The following DEUP1 variants were observed in gnomAD, a reference collection of about 807,000 sequenced individuals.
DEUP1 encodes coiled-coil domain containing 67.
A neutral mutation model predicts 87.4 loss-of-function variants in DEUP1; 82 were observed. The ratio of observed to expected loss-of-function variants is 0.94; its 90% CI spans 0.78 to 1.13. DEUP1 has a LOEUF of 1.13. Among genes scored for constraint, DEUP1 ranks in the 50% most tolerant of loss-of-function variants. The pLI is 0.00. For synonymous variants in DEUP1, 214 were observed against 222.7 expected, an observed-to-expected ratio of 0.96 and a Z score of 0.35; for missense variants, 663 against 681.5, an observed-to-expected ratio of 0.97 and a Z score of 0.30.
intron 12 of DEUP1, among the ~76,000 whole-genome samples, chr11:93,412,795 T>C (rs1040373860): frequency 7.2e-5 from 11 of 152,196 alleles, no homozygotes; most frequent in Admixed American, 4.6e-4. Flanking sequence ...ATGCAAATGT[T>C]ATAATTCTAC....
chr11:93,377,988 GT>G (rs56684150), intron 7 of DEUP1, among the ~76,000 whole-genome samples: 37,443 of 149,816 alleles, frequency 0.25, 4,901 homozygotes, highest in South Asian at 0.38. Context: ...AATCTGATAG[GT>G]TTTTTTTTTA....
intron 13 of DEUP1, among the ~76,000 whole-genome samples, chr11:93,436,507 C>A (rs1332649241): frequency 1.3e-5 from 2 of 152,174 alleles, no homozygotes; most frequent in Admixed American, 6.5e-5. Flanking sequence ...TAGTAGCATA[C>A]CATCTACCCC....
chr11:93,408,153 C>A, intron 11 of DEUP1, 78 bp from the exon 12 acceptor site: 1 of 1,061,064 alleles, frequency 9.4e-7, no homozygotes, highest in Non-Finnish European at 1.3e-6. Flanking sequence ...CTTTCCAGCA[C>A]AAGTCTCCAA....
chr11:93,395,868 T>C (rs893951967), intron 10 of DEUP1, among the ~76,000 whole-genome samples: 1 of 152,176 alleles, frequency 6.6e-6, no homozygotes, highest in Non-Finnish European at 1.5e-5. Context: ...TTGTAAAAAT[T>C]AATCAGGTGT....
At chr11:93,431,569 C>T (rs1186919716) in intron 13 of DEUP1, among the ~76,000 whole-genome samples, 2 of 152,104 alleles carry the variant, frequency 1.3e-5, no homozygotes, top group African/African-American at 4.8e-5. Context: ...TTATTTTACT[C>T]TAATAATAAA....
intron 9 of DEUP1, among the ~76,000 whole-genome samples, chr11:93,393,798 G>T (rs1946846456): frequency 1.3e-5 from 2 of 152,180 alleles, no homozygotes; most frequent in South Asian, 4.1e-4. Flanking sequence ...ACTTAAAAGA[G>T]GTTGAAATAG....
chr11:93,434,937 T>C (rs1166381977), intron 13 of DEUP1, among the ~76,000 whole-genome samples: 1 of 152,150 alleles, frequency 6.6e-6, no homozygotes, highest in Non-Finnish European at 1.5e-5. Context: ...CAAGAGGCCG[T>C]CCCAAAGCTC....
At chr11:93,396,934 C>T (rs1275122554) in intron 11 of DEUP1, among the ~76,000 whole-genome samples, 1 of 152,176 alleles carries the variant, frequency 6.6e-6, no homozygotes, top group Non-Finnish European at 1.5e-5. Flanking sequence ...GGAACTTAAA[C>T]AGGCTCTGTG....
intron 5 of DEUP1, among the ~76,000 whole-genome samples, chr11:93,367,036 T>C (rs1336622053): frequency 1.3e-5 from 2 of 152,186 alleles, no homozygotes. Context: ...CTAATTTTTG[T>C]ATGTCGAATG....
Position 93,394,619 on chromosome 11 carries a change from A to G in DEUP1, c.1202A>G (p.Glu401Gly). The G allele has an allele frequency of 6.2e-7, 1 of 1,611,820 alleles. No homozygotes were observed. The highest frequency in any genetic ancestry group is 8.5e-7 in the Non-Finnish European group (1 of 1,179,294). ...AALLEKQLKM[E>G]LEIKEKMLAK... is the part of the protein sequence containing the mutation. The stretch of plus-strand genomic sequence containing the variant: ...CTTCTGGAAAAACAGTTAAAAATGG[A>G]ATTAGAAATAAAAGAAAAAATGTTA... The change falls in exon 10 of 14, where the codon GAA becomes GGA. Residue 401 changes from glutamate (E) to glycine (G), a missense_variant. By Grantham distance (98) the Glu-to-Gly change is moderately conservative. Transcript: ENST00000298050.
intron 12 of DEUP1, 39 bp from the exon 13 acceptor site, chr11:93,414,961 C>A: frequency 8.6e-7 from 1 of 1,158,304 alleles, no homozygotes; most frequent in Admixed American, 2.6e-5. Flanking sequence ...AAACATGTGT[C>A]CTTGATAGCA....
intron 10 of DEUP1, among the ~76,000 whole-genome samples, chr11:93,394,860 G>C (rs1386304589): frequency 6.6e-6 from 1 of 152,122 alleles, no homozygotes; most frequent in East Asian, 1.9e-4. Context: ...GGAAATGACA[G>C]TGCAAGACAA....
chr11:93,389,260 G>T, intron 9 of DEUP1, 135 bp downstream of exon 9: 1 of 630,252 alleles, frequency 1.6e-6, no homozygotes, highest in Non-Finnish European at 2.8e-6. Flanking sequence ...AATCTACCAA[G>T]CTGCTAATTC....
rs764421479 is a variant in DEUP1 at position 93,385,561 on chromosome 11, G to A, written c.935+18G>A. On this transcript the variant is annotated intron_variant, in intron 8 of 13. Coordinates refer to ENST00000298050, the MANE Select transcript of DEUP1 (RefSeq NM_181645.4). ...AAAACAAGGTATAATCTTTATATTT[G>A]ACAATCTGAGAGAACTGTTCAAAAC... 5.1e-6 allele frequency: 8 copies of A among 1,566,442 alleles called. No homozygotes were observed. Among genetic ancestry groups the A allele is most frequent in the Non-Finnish European group, 6.9e-6 (8 of 1,161,314 alleles).
At chr11:93,380,844 A>G (rs938099994) in intron 7 of DEUP1, among the ~76,000 whole-genome samples, 5 of 152,226 alleles carry the variant, frequency 3.3e-5, no homozygotes, top group African/African-American at 9.6e-5. Flanking sequence ...AATTTGAACT[A>G]AGAATCTGCA....
chr11:93,408,306 C>A lies in DEUP1; in HGVS notation c.1402C>A (p.Arg468=). 6.3e-7 allele frequency: 1 copy of A among 1,580,424 alleles called. No homozygotes were observed. Among genetic ancestry groups the A allele is most frequent in the Non-Finnish European group, 8.6e-7 (1 of 1,161,890 alleles). ...NKLQYENERL[R]NDLAKLHVNG... The stretch of plus-strand genomic sequence containing the variant: ...ACTGCAATATGAGAATGAAAGGCTC[C>A]GAAATGATCTTGCAAAACTTCATGT... The change falls in exon 12 of 14, where the codon CGA becomes AGA. Residue 468 remains arginine (R), a synonymous_variant. Transcript: ENST00000298050.
At chr11:93,420,333 A>C (rs568700090) in intron 13 of DEUP1, among the ~76,000 whole-genome samples, 21 of 152,216 alleles carry the variant, frequency 1.4e-4, no homozygotes, top group Non-Finnish European at 2.9e-4. Flanking sequence ...ATCTCAATAG[A>C]TGCAGAAAAG....
intron 13 of DEUP1, among the ~76,000 whole-genome samples, chr11:93,419,919 T>A (rs1037725882): frequency 1.9e-4 from 28 of 151,152 alleles, no homozygotes; most frequent in African/African-American, 5.1e-4. Context: ...GTGGCAATAA[T>A]CAATAGCTTA....
intron 11 of DEUP1, among the ~76,000 whole-genome samples, chr11:93,407,789 G>T (rs1294649346): frequency 6.6e-6 from 1 of 151,470 alleles, no homozygotes; most frequent in African/African-American, 2.4e-5. Context: ...TATATCCTAT[G>T]AACACAAAAA....
Sources: allele counts gnomAD v4.1 joint callset (sites outside exome capture counted in the v4.1 genomes callset), GRCh38; gene constraint gnomAD v4.1.1; transcripts MANE v1.5; gene names NCBI Gene and HGNC (gene_info 2026-07-23, HGNC 2026-07-21).